TESK2: variants seen among roughly 807,000 people sequenced by gnomAD.
TESK2 encodes testis associated actin remodelling kinase 2, also known as dual specificity testis-specific protein kinase 2.
TESK2 carries 39 observed loss-of-function variants against 57.1 expected under a neutral mutation model. That is an observed-to-expected ratio of 0.68 (90% CI 0.53 to 0.89). The LOEUF (loss-of-function observed/expected upper bound fraction) is 0.89. Among genes scored for constraint, TESK2 ranks in the 40% least tolerant of loss-of-function variants. TESK2 has a pLI of 0.00. For synonymous variants in TESK2, 249 were observed against 267.9 expected, an observed-to-expected ratio of 0.93 and a Z score of 0.69; for missense variants, 646 against 732.1, an observed-to-expected ratio of 0.88 and a Z score of 1.36.
Position 45,390,998 on chromosome 1 carries a change from A to G in TESK2, c.345-5038T>C, listed in dbSNP as rs191183086. On this transcript the variant is annotated intron_variant, in intron 3 of 10. Transcript: ENST00000372086. ...AGTGGCGCGATCTCGGCTCACTGTAAGCTCTGCCTCCCGGGTTCATGCCAT... is the reference window on the plus strand; with the variant it reads ...AGTGGCGCGATCTCGGCTCACTGTAGGCTCTGCCTCCCGGGTTCATGCCAT... Among the ~76,000 whole-genome samples, 208 of 151,126 alleles carry G rather than the reference A, an allele frequency of 1.4e-3. 5 individuals carry two copies. In the South Asian group the frequency reaches 0.034, roughly 25 times the overall value.
intron 3 of TESK2, among the ~76,000 whole-genome samples, chr1:45,390,578 G>T (rs908918756): frequency 2.8e-5 from 4 of 143,722 alleles, no homozygotes; most frequent in African/African-American, 5.1e-5. Flanking sequence ...TGTTTCTAAG[G>T]TTTTTTTTTT....
At chr1:45,480,788 G>A (rs1277774950) in intron 1 of TESK2, among the ~76,000 whole-genome samples, 1 of 151,260 alleles carries the variant, frequency 6.6e-6, no homozygotes, top group African/African-American at 2.4e-5. Flanking sequence ...AGGAGTTCGA[G>A]ACTAGCCTGA....
chr1:45,358,039 C>T (rs1647516797), intron 4 of TESK2, among the ~76,000 whole-genome samples: 1 of 137,460 alleles, frequency 7.3e-6, no homozygotes, highest in Admixed American at 7.3e-5. Context: ...AAAGCCTGGG[C>T]ACAATGGCTC....
At chr1:45,485,190 G>GTTTTT (rs780419936) in intron 1 of TESK2, among the ~76,000 whole-genome samples, 1 of 141,296 alleles carries the variant, frequency 7.1e-6, no homozygotes. Flanking sequence ...TTTGTTTTTT[G>GTTTTT]TTTTTTGTTT....
At chr1:45,411,469 A>G (rs942555357) in intron 3 of TESK2, among the ~76,000 whole-genome samples, 2 of 152,146 alleles carry the variant, frequency 1.3e-5, no homozygotes, top group African/African-American at 4.8e-5. Flanking sequence ...CTATGAAAAT[A>G]TAATGCCACC....
At chr1:45,379,123 A>G (rs1358936202) in intron 4 of TESK2, among the ~76,000 whole-genome samples, 1 of 152,172 alleles carries the variant, frequency 6.6e-6, no homozygotes, top group African/African-American at 2.4e-5. Flanking sequence ...ACAATATCAC[A>G]TATCACAGCA....
At chr1:45,470,001 A>G (rs1231815037) in intron 1 of TESK2, among the ~76,000 whole-genome samples, 2 of 152,202 alleles carry the variant, frequency 1.3e-5, no homozygotes, top group Admixed American at 1.3e-4. Context: ...CCATCCAAAT[A>G]TGGAATCATA....
chr1:45,381,939 T>C (rs912861954), intron 4 of TESK2, among the ~76,000 whole-genome samples: 6 of 150,660 alleles, frequency 4.0e-5, no homozygotes, highest in Admixed American at 3.3e-4. Context: ...TCATGGCTCA[T>C]TGCATTCTCA....
chr1:45,347,520 G>A (rs1232531455), intron 7 of TESK2, 89 bp downstream of exon 7: 4 of 1,248,668 alleles, frequency 3.2e-6, no homozygotes, highest in East Asian at 2.3e-5. Flanking sequence ...TCGTGCCACT[G>A]CATTCCAGCC....
chr1:45,461,705 T>C (rs569768137), intron 1 of TESK2, among the ~76,000 whole-genome samples: 1 of 152,368 alleles, frequency 6.6e-6, no homozygotes, highest in South Asian at 2.1e-4. Context: ...CATCGTTGAC[T>C]ATATAAAACA....
chr1:45,384,323 C>CCATGTATG (rs556693124), intron 4 of TESK2, among the ~76,000 whole-genome samples: 16 of 150,466 alleles, frequency 1.1e-4, no homozygotes, highest in African/African-American at 3.7e-4. Flanking sequence ...GGGTCTCACT[C>CCATGTATG]TATGTATGTA....
At chr1:45,383,200 AAGG>A (rs1648732915) in intron 4 of TESK2, among the ~76,000 whole-genome samples, 1 of 152,218 alleles carries the variant, frequency 6.6e-6, no homozygotes, top group African/African-American at 2.4e-5. Context: ...TCTAAGTTTC[AAGG>A]ACTGTGCTAG....
chr1:45,391,210 C>T (rs1408287064), intron 3 of TESK2, among the ~76,000 whole-genome samples: 3 of 147,346 alleles, frequency 2.0e-5, no homozygotes, highest in Non-Finnish European at 3.0e-5. Context: ...GCCACTGCGC[C>T]CAGCCCTTTT....
chr1:45,468,495 G>A (rs535450865), intron 1 of TESK2, among the ~76,000 whole-genome samples: 7 of 152,174 alleles, frequency 4.6e-5, no homozygotes, highest in African/African-American at 9.6e-5. Flanking sequence ...AGATATACAC[G>A]TACAAACCCT....
chr1:45,403,361 G>A, intron 3 of TESK2, among the ~76,000 whole-genome samples: 1 of 152,246 alleles, frequency 6.6e-6, no homozygotes, highest in African/African-American at 2.4e-5. Context: ...AATATCCTCG[G>A]GTAAGTGCAG....
At chr1:45,437,742 T>C (rs951256560) in intron 2 of TESK2, among the ~76,000 whole-genome samples, 7 of 152,266 alleles carry the variant, frequency 4.6e-5, no homozygotes, top group African/African-American at 1.4e-4. Context: ...TTGTTGAGAG[T>C]TTTTATCATA....
intron 2 of TESK2, among the ~76,000 whole-genome samples, chr1:45,429,844 A>C (rs1650876851): frequency 6.6e-6 from 1 of 152,134 alleles, no homozygotes; most frequent in Admixed American, 6.5e-5. Flanking sequence ...CTAACAAATC[A>C]GTTACTTTTC....
chr1:45,420,269 T>G (rs982224005), intron 3 of TESK2, among the ~76,000 whole-genome samples: 2 of 152,190 alleles, frequency 1.3e-5, no homozygotes, highest in Non-Finnish European at 2.9e-5. Context: ...ATATAGGGTC[T>G]CACTCTGTCA....
intron 1 of TESK2, among the ~76,000 whole-genome samples, chr1:45,465,807 T>C (rs748988181): frequency 6.6e-6 from 1 of 152,126 alleles, no homozygotes; most frequent in Non-Finnish European, 1.5e-5. Flanking sequence ...GTAGGAGTAA[T>C]AGATAATAAA....
Sources: gnomAD v4.1 joint callset for allele counts (sites outside exome capture counted in the v4.1 genomes callset) on GRCh38, gnomAD v4.1.1 for gene constraint, MANE v1.5 for transcripts, NCBI Gene and HGNC (gene_info 2026-07-23, HGNC 2026-07-21) for gene names.